Variants in CEP70 observed in about 807,000 individuals in gnomAD.
CEP70 encodes centrosomal protein of 70 kDa.
Under a neutral mutation model 90.9 loss-of-function variants are expected in CEP70, and 70 were observed. The observed-to-expected ratio is 0.77, with a 90% confidence interval of 0.64 to 0.94. The LOEUF (loss-of-function observed/expected upper bound fraction) is 0.94, where lower values mean the gene tolerates loss of function less well. CEP70 is among the 40% of genes least tolerant of loss of function. The probability of loss-of-function intolerance (pLI) is 0.00; values close to 1 mark genes in which losing one functional copy is unlikely to be tolerated. For missense variants in CEP70, 648 were observed against 669.0 expected (o/e 0.97, Z 0.35); for synonymous variants, 220 against 228.3 (o/e 0.96, Z 0.33).
intron 11 of CEP70, among the ~76,000 whole-genome samples, chr3:138,515,404 C>G (rs183157536): frequency 1.3e-3 from 180 of 140,982 alleles, no homozygotes; most frequent in African/African-American, 4.4e-3. Context: ...GAACACCAAA[C>G]AGCACTTCAG....
At chr3:138,544,484 T>C (rs1446171192) in intron 6 of CEP70, among the ~76,000 whole-genome samples, 2 of 151,882 alleles carry the variant, frequency 1.3e-5, no homozygotes, top group Non-Finnish European at 2.9e-5. Context: ...CTAAACCATA[T>C]GATCCAGCAA....
intron 11 of CEP70, among the ~76,000 whole-genome samples, chr3:138,513,258 A>G (rs2035694950): frequency 6.6e-6 from 1 of 152,034 alleles, no homozygotes; most frequent in Non-Finnish European, 1.5e-5. Flanking sequence ...AAGCTATACT[A>G]CTACTACTAC....
chr3:138,537,093 C>A (rs2038338509), intron 7 of CEP70, 85 bp downstream of exon 7: 24 of 937,740 alleles, frequency 2.6e-5, no homozygotes, highest in Non-Finnish European at 3.5e-5. Flanking sequence ...AGAGTTATAA[C>A]CACCCCCAAG....
At chr3:138,517,521 T>C (rs1420054314) in intron 11 of CEP70, among the ~76,000 whole-genome samples, 1 of 152,002 alleles carries the variant, frequency 6.6e-6, no homozygotes, top group Non-Finnish European at 1.5e-5. Flanking sequence ...AAAAAAAAAT[T>C]AGCCAGGGGT....
intron 11 of CEP70, 122 bp downstream of exon 11, chr3:138,525,368 A>T (rs552144347): frequency 3.5e-6 from 1 of 285,806 alleles, no homozygotes; most frequent in Non-Finnish European, 6.1e-6. Flanking sequence ...TACATATGTA[A>T]CTAACCTGCA....
intron 6 of CEP70, among the ~76,000 whole-genome samples, chr3:138,567,047 G>A (rs773826845): frequency 1.3e-5 from 2 of 152,018 alleles, no homozygotes; most frequent in Non-Finnish European, 2.9e-5. Flanking sequence ...CAATAAAAAG[G>A]AATAAACTAT....
At chr3:138,526,781 T>C (rs149723551) in intron 10 of CEP70, among the ~76,000 whole-genome samples, 127 of 152,314 alleles carry the variant, frequency 8.3e-4, no homozygotes, top group South Asian at 1.7e-3. Context: ...ATATAGTAAA[T>C]ATTAATGTAT....
chr3:138,528,576 T>C (rs1180461041), intron 10 of CEP70, among the ~76,000 whole-genome samples: 2 of 152,186 alleles, frequency 1.3e-5, no homozygotes, highest in African/African-American at 2.4e-5. Context: ...TGAAGAAAAA[T>C]TGGCCGGATG....
chr3:138,500,208 C>A lies in CEP70; in HGVS notation c.1554G>T (p.Leu518Phe). Reference protein sequence around the residue: ...ELLELDSSSSLCVLVSTVGKL... With the variant: ...ELLELDSSSSFCVLVSTVGKL... Reference sequence around the variant, plus strand: ...TTCCAACAGTGCTTACTAGCACACACAATGAGGATGAACTATCTGCAAAAG... The same window carrying A: ...TTCCAACAGTGCTTACTAGCACACAAAATGAGGATGAACTATCTGCAAAAG... The change falls in exon 16 of 18, where the codon TTG becomes TTT. Residue 518 changes from leucine to phenylalanine, a missense_variant. Coordinates refer to ENST00000264982, the MANE Select transcript of CEP70 (RefSeq NM_024491.4). The A allele has an allele frequency of 6.2e-7, 1 of 1,611,254 alleles. No homozygotes were observed. The highest frequency in any genetic ancestry group is 1.1e-5 in the South Asian group (1 of 91,000).
At chr3:138,527,329 A>AT (rs534956538) in intron 10 of CEP70, among the ~76,000 whole-genome samples, 50,081 of 143,340 alleles carry the variant, frequency 0.35, 10,254 homozygotes, top group East Asian at 0.56. Context: ...TGCCTGGCTA[A>AT]TTTTTTTTTT....
chr3:138,526,450 C>T (rs2108821438), intron 10 of CEP70, among the ~76,000 whole-genome samples: 1 of 152,272 alleles, frequency 6.6e-6, no homozygotes, highest in East Asian at 1.9e-4. Flanking sequence ...TGTGAGCCAC[C>T]ACGCCCAGCC....
intron 16 of CEP70, among the ~76,000 whole-genome samples, chr3:138,498,878 G>A (rs963128534): frequency 5.3e-5 from 8 of 151,180 alleles, no homozygotes; most frequent in African/African-American, 1.5e-4. Context: ...GAAACCCCAC[G>A]TCTACTAAAG....
In CEP70 at chr3:138,495,012, T is replaced by A. The variant is rs4035333; in HGVS notation, c.*3A>T. 101 of 844,288 alleles carry A rather than the reference T, an allele frequency of 1.2e-4. No individual in the cohort carries two copies. The highest frequency in any genetic ancestry group is 1.6e-4 in the Non-Finnish European group (95 of 604,170). 52.3% of individuals were successfully genotyped at this position (844,288 alleles called of 1,614,324 possible). On this transcript the variant is annotated 3_prime_UTR_variant, in exon 18 of 18. Coordinates refer to ENST00000264982, the MANE Select transcript of CEP70 (RefSeq NM_024491.4). ...TACACAGTAAAAATGATTTGATTTG[T>A]TTTCAGTATGAAAGTACTTTTAATT...
At position 138,592,518 on chromosome 3, in the gene CEP70, C is replaced by G. The variant is rs139075488; in HGVS notation, c.-108-562G>C. Among the ~76,000 whole-genome samples, 856 of 151,102 alleles carry G rather than the reference C, an allele frequency of 5.7e-3. 7 individuals are homozygous for G. Among genetic ancestry groups the G allele is most frequent in the African/African-American group, 0.02 (824 of 41,056 alleles). ...AAAACAGAAGCTACAGCTTTAATTA[C>G]TGTCATAACACACTTAAAATAAGAT... On this transcript the variant is annotated intron_variant, in intron 1 of 17. Coordinates refer to ENST00000264982, the MANE Select transcript of CEP70 (RefSeq NM_024491.4).
intron 13 of CEP70, among the ~76,000 whole-genome samples, chr3:138,502,062 G>C (rs1364426080): frequency 6.6e-6 from 1 of 152,158 alleles, no homozygotes; most frequent in Non-Finnish European, 1.5e-5. Flanking sequence ...AATGTAATGT[G>C]AGCCACAGTA....
At chr3:138,562,001 C>T (rs950722030) in intron 6 of CEP70, among the ~76,000 whole-genome samples, 7 of 140,230 alleles carry the variant, frequency 5.0e-5, no homozygotes, top group Admixed American at 4.6e-4. Context: ...CTGGCCCGGG[C>T]GACAATGCAA....
chr3:138,543,791 G>A (rs566913937), intron 6 of CEP70, among the ~76,000 whole-genome samples: 2 of 152,120 alleles, frequency 1.3e-5, no homozygotes, highest in South Asian at 2.1e-4. Flanking sequence ...GTGACAGAGT[G>A]AGACCCTATC....
chr3:138,594,007 G>A (rs1024748791), intron 1 of CEP70, 191 bp downstream of exon 1: 12 of 152,330 alleles, frequency 7.9e-5, no homozygotes, highest in African/African-American at 2.7e-4. Flanking sequence ...CTGGGGAGCT[G>A]GGACTGGAGG....
At chr3:138,566,669 G>T (rs1365444039) in intron 6 of CEP70, among the ~76,000 whole-genome samples, 1 of 152,010 alleles carries the variant, frequency 6.6e-6, no homozygotes, top group Non-Finnish European at 1.5e-5. Context: ...AGGGGCTTGG[G>T]GGCTAGGGGA....
Sources: gnomAD v4.1 joint callset for allele counts (sites outside exome capture counted in the v4.1 genomes callset) on GRCh38, gnomAD v4.1.1 for gene constraint, MANE v1.5 for transcripts, NCBI Gene and HGNC (gene_info 2026-07-23, HGNC 2026-07-21) for gene names.